PPP1R12A: variants seen among roughly 807,000 people sequenced by gnomAD.
PPP1R12A encodes protein phosphatase 1 regulatory subunit 12A.
In PPP1R12A, 19 loss-of-function variants were observed where a neutral mutation model predicts 139.6. The ratio of observed to expected loss-of-function variants is 0.14; its 90% CI spans 0.09 to 0.20. PPP1R12A has a LOEUF of 0.20. PPP1R12A is among the 10% of genes least tolerant of loss of function. The pLI is 1.00. For missense variants in PPP1R12A, 925 were observed against 1,211.5 expected, an observed-to-expected ratio of 0.76 and a Z score of 3.51; for synonymous variants, 427 against 420.6, an observed-to-expected ratio of 1.02 and a Z score of -0.19.
intron 1 of PPP1R12A, among the ~76,000 whole-genome samples, chr12:79,897,721 C>T (rs1428828861): frequency 6.6e-6 from 1 of 152,106 alleles, no homozygotes; most frequent in East Asian, 1.9e-4. Context: ...CATCCTGCAT[C>T]TCCTCCACCC....
intron 24 of PPP1R12A, chr12:79,777,419 C>A: frequency 1.0e-6 from 1 of 984,824 alleles, no homozygotes; most frequent in Non-Finnish European, 1.2e-6. Context: ...GCTCCAGACA[C>A]AATGGCATTA....
At chr12:79,832,249 C>G in intron 4 of PPP1R12A, 83 bp downstream of exon 4, 3 of 1,319,964 alleles carry the variant, frequency 2.3e-6, no homozygotes, top group Non-Finnish European at 3.0e-6. Flanking sequence ...TTCAAAATAA[C>G]GTTTGCAGGT....
intron 9 of PPP1R12A, among the ~76,000 whole-genome samples, chr12:79,814,768 T>C (rs1052436511): frequency 3.6e-5 from 5 of 138,148 alleles, no homozygotes; most frequent in Non-Finnish European, 1.5e-5. Flanking sequence ...TGAGCCGAGA[T>C]TGCGCCACTG....
chr12:79,803,180 C>G (rs1344862445), intron 14 of PPP1R12A, among the ~76,000 whole-genome samples: 1 of 152,218 alleles, frequency 6.6e-6, no homozygotes, highest in Admixed American at 6.5e-5. Flanking sequence ...TATAGCTTAT[C>G]AATTTGTAAT....
chr12:79,807,781 T>G (rs1489461594), intron 11 of PPP1R12A, among the ~76,000 whole-genome samples: 1 of 152,124 alleles, frequency 6.6e-6, no homozygotes, highest in Non-Finnish European at 1.5e-5. Flanking sequence ...GGTTCACACC[T>G]GTAACCCAGC....
At chr12:79,839,859 G>T (rs1478218336) in intron 3 of PPP1R12A, among the ~76,000 whole-genome samples, 1 of 152,116 alleles carries the variant, frequency 6.6e-6, no homozygotes, top group African/African-American at 2.4e-5. Flanking sequence ...CCAGTCTTGG[G>T]TATTTCTTCA....
upstream of PPP1R12A, chr12:79,935,262 C>T (rs945732225): frequency 1.8e-6 from 2 of 1,110,024 alleles, no homozygotes; most frequent in African/African-American, 1.6e-5. Context: ...TGTGCCCGCC[C>T]CAGGAAGAGC....
chr12:79,856,800 G>C (rs1405028378), intron 2 of PPP1R12A, among the ~76,000 whole-genome samples: 1 of 152,176 alleles, frequency 6.6e-6, no homozygotes, highest in African/African-American at 2.4e-5. Flanking sequence ...TTAACAGGTA[G>C]AAAACACATA....
At chr12:79,889,550 C>G (rs1177880753) in intron 1 of PPP1R12A, among the ~76,000 whole-genome samples, 1 of 152,172 alleles carries the variant, frequency 6.6e-6, no homozygotes, top group Non-Finnish European at 1.5e-5. Flanking sequence ...AACATTTGTA[C>G]TGTTCACTTG....
chr12:79,815,506 G>A (rs1251182985), intron 9 of PPP1R12A, among the ~76,000 whole-genome samples: 2 of 149,804 alleles, frequency 1.3e-5, no homozygotes, highest in East Asian at 3.9e-4. Flanking sequence ...GGGTGACAGA[G>A]CAAGACTGCC....
intron 2 of PPP1R12A, among the ~76,000 whole-genome samples, chr12:79,861,591 G>A (rs1215990526): frequency 1.3e-5 from 2 of 152,082 alleles, no homozygotes; most frequent in Admixed American, 1.3e-4. Context: ...ACCTGGAGGA[G>A]CAGTATACTC....
intron 14 of PPP1R12A, 38 bp from the exon 15 acceptor site, chr12:79,798,622 C>T: frequency 1.7e-6 from 2 of 1,187,366 alleles, no homozygotes; most frequent in South Asian, 1.5e-5. Context: ...GTTGTAAATA[C>T]AATACCTGTG....
intron 21 of PPP1R12A, chr12:79,787,403 G>A (rs1274048261): frequency 1.3e-5 from 2 of 152,070 alleles, no homozygotes; most frequent in Non-Finnish European, 2.9e-5. Context: ...AGGTCTATGT[G>A]CTTGTAATTC....
chr12:79,935,376 G>A, upstream of PPP1R12A: 2 of 998,404 alleles, frequency 2.0e-6, no homozygotes, highest in Non-Finnish European at 2.4e-6. Flanking sequence ...AGCGGGGAAG[G>A]AAGGTTGTCC....
At chr12:79,903,959 A>G (rs1885874801) in intron 1 of PPP1R12A, among the ~76,000 whole-genome samples, 1 of 152,178 alleles carries the variant, frequency 6.6e-6, no homozygotes, top group South Asian at 2.1e-4. Flanking sequence ...TACAATCAAG[A>G]AAGTTTACTT....
intron 1 of PPP1R12A, among the ~76,000 whole-genome samples, chr12:79,902,540 AT>A (rs965062371): frequency 6.6e-6 from 1 of 152,030 alleles, no homozygotes; most frequent in African/African-American, 2.4e-5. Flanking sequence ...TTTCAAAGAG[AT>A]TTTTTAAATG....
chr12:79,779,597 T>C, intron 23 of PPP1R12A: 1 of 332,452 alleles, frequency 3.0e-6, no homozygotes, highest in East Asian at 7.4e-5. Flanking sequence ...TTATTTTCAA[T>C]ACATAGATCT....
intron 1 of PPP1R12A, among the ~76,000 whole-genome samples, chr12:79,908,459 T>TC: frequency 6.6e-6 from 1 of 152,344 alleles, no homozygotes; most frequent in East Asian, 1.9e-4. Context: ...ATTTTTTATC[T>TC]CCCTGTCATC....
At chr12:79,850,214 T>C (rs1879882562) in intron 2 of PPP1R12A, among the ~76,000 whole-genome samples, 1 of 152,190 alleles carries the variant, frequency 6.6e-6, no homozygotes, top group Non-Finnish European at 1.5e-5. Context: ...TTTAGATAGA[T>C]AAATGAGTAA....
Sources: allele counts gnomAD v4.1 joint callset (sites outside exome capture counted in the v4.1 genomes callset), GRCh38; gene constraint gnomAD v4.1.1; transcripts MANE v1.5; gene names NCBI Gene and HGNC (gene_info 2026-07-23, HGNC 2026-07-21).